The following LRP12 variants were observed in gnomAD, a reference collection of about 807,000 sequenced individuals.
The protein encoded by LRP12 is LDL receptor related protein 12.
Under a neutral mutation model 66.0 loss-of-function variants are expected in LRP12, and 14 were observed. The observed-to-expected ratio is 0.21, with a 90% CI of 0.14 to 0.33. LRP12 has a LOEUF of 0.33. Ranked by LOEUF, LRP12 falls within the 10% of genes least tolerant of loss-of-function variation. The pLI, the probability that LRP12 is intolerant of heterozygous loss-of-function variation, is 1.00. For synonymous variants in LRP12, 357 were observed against 359.1 expected, an observed-to-expected ratio of 0.99 and a Z score of 0.07; for missense variants, 889 against 1,053.4, an observed-to-expected ratio of 0.84 and a Z score of 2.16.
intron 1 of LRP12, among the ~76,000 whole-genome samples, chr8:104,546,993 A>C (rs1811573911): frequency 6.9e-6 from 1 of 144,134 alleles, no homozygotes; most frequent in South Asian, 2.1e-4. Context: ...TTTTGTATAT[A>C]ATATATAATT....
intron 1 of LRP12, among the ~76,000 whole-genome samples, chr8:104,568,782 T>C (rs1316062425): frequency 1.3e-5 from 2 of 152,090 alleles, no homozygotes; most frequent in Admixed American, 6.5e-5. Flanking sequence ...CAATAAAGTG[T>C]TGGCAAGGAT....
intron 1 of LRP12, among the ~76,000 whole-genome samples, chr8:104,560,123 C>G (rs1160246198): frequency 6.6e-6 from 1 of 152,102 alleles, no homozygotes; most frequent in Non-Finnish European, 1.5e-5. Context: ...TTATGGGTCT[C>G]ATTTGGGTTA....
chr8:104,528,691 C>T (rs1185654276), intron 2 of LRP12, among the ~76,000 whole-genome samples: 2 of 151,746 alleles, frequency 1.3e-5, no homozygotes, highest in Non-Finnish European at 2.9e-5. Flanking sequence ...AGGAGAATCG[C>T]TTGAACCCGG....
chr8:104,564,131 A>AT (rs144211723), intron 1 of LRP12, among the ~76,000 whole-genome samples: 81 of 151,828 alleles, frequency 5.3e-4, no homozygotes, highest in Non-Finnish European at 9.6e-4. Context: ...TCAAGTCATG[A>AT]TTTTTTTTTA....
At chr8:104,508,580 T>G in intron 3 of LRP12, 1 of 173,014 alleles carries the variant, frequency 5.8e-6, no homozygotes. Flanking sequence ...GAGACAAAGG[T>G]TAAGAGCTAG....
chr8:104,549,985 C>T (rs983836987), intron 1 of LRP12, among the ~76,000 whole-genome samples: 1 of 152,118 alleles, frequency 6.6e-6, no homozygotes. Context: ...AGTCTGTTCT[C>T]AGCATACATG....
chr8:104,507,491 A>G (rs1245361964), intron 3 of LRP12: 2 of 152,192 alleles, frequency 1.3e-5, no homozygotes, highest in Admixed American at 1.3e-4. Flanking sequence ...GTTTTACAAA[A>G]CTGAGCTATA....
At chr8:104,579,546 C>T (rs1222254580) in intron 1 of LRP12, among the ~76,000 whole-genome samples, 1 of 152,142 alleles carries the variant, frequency 6.6e-6, no homozygotes, top group African/African-American at 2.4e-5. Context: ...ATTAAATGAC[C>T]ATTGACATTC....
At chr8:104,578,238 AATC>A (rs1188008786) in intron 1 of LRP12, among the ~76,000 whole-genome samples, 1 of 152,142 alleles carries the variant, frequency 6.6e-6, no homozygotes, top group East Asian at 1.9e-4. Flanking sequence ...ACAGAAATAC[AATC>A]ATCAGAGAAT....
chr8:104,574,879 C>T (rs145954920), intron 1 of LRP12, among the ~76,000 whole-genome samples: 1 of 151,988 alleles, frequency 6.6e-6, no homozygotes, highest in African/African-American at 2.4e-5. Context: ...ACACTTGAGG[C>T]TCACATTATA....
At chr8:104,519,089 A>G (rs1811112356) in intron 2 of LRP12, among the ~76,000 whole-genome samples, 1 of 152,114 alleles carries the variant, frequency 6.6e-6, no homozygotes, top group Admixed American at 6.6e-5. Flanking sequence ...ACACACGCCC[A>G]CAGCTAGGCA....
intron 3 of LRP12, among the ~76,000 whole-genome samples, chr8:104,500,348 G>C (rs1810806266): frequency 6.6e-6 from 1 of 152,150 alleles, no homozygotes; most frequent in Admixed American, 6.5e-5. Context: ...CAAATATTCT[G>C]AATAACTAAC....
intron 1 of LRP12, among the ~76,000 whole-genome samples, chr8:104,577,822 A>AG (rs1224858864): frequency 6.6e-6 from 1 of 151,190 alleles, no homozygotes; most frequent in Non-Finnish European, 1.5e-5. Context: ...AAAAAAAAAA[A>AG]AAAAAGAAAA....
At chr8:104,495,384 A>C in intron 5 of LRP12, 175 bp from the exon 6 acceptor site, 4 of 578,026 alleles carry the variant, frequency 6.9e-6, no homozygotes, top group Non-Finnish European at 1.2e-5. Flanking sequence ...GGGAATACAA[A>C]GCTGACGCAG....
At chr8:104,523,202 T>A (rs540314501) in intron 2 of LRP12, among the ~76,000 whole-genome samples, 1 of 152,276 alleles carries the variant, frequency 6.6e-6, no homozygotes, top group South Asian at 2.1e-4. Flanking sequence ...TTTTTGGAGA[T>A]TTGTGACAAT....
At chr8:104,519,082 C>G (rs1281794354) in intron 2 of LRP12, among the ~76,000 whole-genome samples, 1 of 152,062 alleles carries the variant, frequency 6.6e-6, no homozygotes, top group Non-Finnish European at 1.5e-5. Context: ...ACAGGAAACA[C>G]ACGCCCACAG....
chr8:104,492,639 G>C (rs1043312134), intron 6 of LRP12, among the ~76,000 whole-genome samples: 129 of 152,040 alleles, frequency 8.5e-4, no homozygotes, highest in African/African-American at 3.0e-3. Flanking sequence ...TTTGTGACTG[G>C]TATTGCATTT....
chr8:104,528,173 A>G (rs1811269321), intron 2 of LRP12, among the ~76,000 whole-genome samples: 1 of 152,210 alleles, frequency 6.6e-6, no homozygotes, highest in South Asian at 2.1e-4. Flanking sequence ...AAAATCATCA[A>G]TATACTTTCC....
intron 4 of LRP12, among the ~76,000 whole-genome samples, chr8:104,498,433 C>T (rs1033211690): frequency 7.4e-6 from 1 of 135,428 alleles, no homozygotes; most frequent in Non-Finnish European, 1.6e-5. Context: ...CATGTGTTCT[C>T]ATTGTTCAGG....
Sources: gnomAD v4.1 joint callset for allele counts (sites outside exome capture counted in the v4.1 genomes callset) on GRCh38, gnomAD v4.1.1 for gene constraint, MANE v1.5 for transcripts, NCBI Gene and HGNC (gene_info 2026-07-23, HGNC 2026-07-21) for gene names.